The following PLCB4 variants were observed in gnomAD, a reference collection of about 807,000 sequenced individuals.
The protein encoded by PLCB4 is phospholipase C beta 4, also known as 1-phosphatidylinositol 4,5-bisphosphate phosphodiesterase beta-4.
Under a neutral mutation model 178.8 loss-of-function variants are expected in PLCB4, and 77 were observed. That is an observed-to-expected ratio of 0.43 (90% confidence interval 0.36 to 0.52). PLCB4 has a LOEUF of 0.52. PLCB4 is among the 20% of genes least tolerant of loss of function. PLCB4 has a pLI of 0.00. For missense variants in PLCB4, 1,024 were observed against 1,453.4 expected (o/e 0.70, Z 4.80); for synonymous variants, 496 against 490.8 (o/e 1.01, Z -0.14).
intron 3 of PLCB4, among the ~76,000 whole-genome samples, chr20:9,300,030 T>A (rs2094685375): frequency 6.6e-6 from 1 of 152,132 alleles, no homozygotes; most frequent in Admixed American, 6.6e-5. Flanking sequence ...TGATACAATA[T>A]ATTAATGTCA....
intron 4 of PLCB4, among the ~76,000 whole-genome samples, chr20:9,318,071 A>G (rs2094919476): frequency 6.6e-6 from 1 of 151,870 alleles, no homozygotes; most frequent in African/African-American, 2.4e-5. Flanking sequence ...AATCACTTGA[A>G]CCCTGGGACA....
intron 12 of PLCB4, among the ~76,000 whole-genome samples, chr20:9,376,268 G>C (rs1321044278): frequency 6.6e-6 from 1 of 152,144 alleles, no homozygotes; most frequent in African/African-American, 2.4e-5. Context: ...CTGAGTCAGA[G>C]TCTGAATTTA....
At chr20:9,149,153 T>C (rs1385724272) in intron 2 of PLCB4, among the ~76,000 whole-genome samples, 1 of 152,132 alleles carries the variant, frequency 6.6e-6, no homozygotes, top group African/African-American at 2.4e-5. Context: ...TTCTTTGGTA[T>C]CTCTAGGAAC....
intron 3 of PLCB4, among the ~76,000 whole-genome samples, chr20:9,252,534 G>T (rs1227610421): frequency 6.6e-6 from 1 of 152,162 alleles, no homozygotes; most frequent in Non-Finnish European, 1.5e-5. Context: ...TGGGGTACAG[G>T]CATTCATTTT....
At chr20:9,230,966 C>T (rs1601324499) in intron 3 of PLCB4, among the ~76,000 whole-genome samples, 1 of 151,984 alleles carries the variant, frequency 6.6e-6, no homozygotes, top group Non-Finnish European at 1.5e-5. Context: ...AGTCCCATGG[C>T]CTATTATATT....
chr20:9,299,457 T>C (rs1445143033), intron 3 of PLCB4, among the ~76,000 whole-genome samples: 1 of 152,062 alleles, frequency 6.6e-6, no homozygotes. Flanking sequence ...TAAAACAGTG[T>C]ACATATGTAA....
intron 7 of PLCB4, among the ~76,000 whole-genome samples, chr20:9,339,648 T>G (rs1462263537): frequency 6.6e-6 from 1 of 152,184 alleles, no homozygotes; most frequent in Non-Finnish European, 1.5e-5. Context: ...TTGCTCATAC[T>G]AAGTCTTAGA....
At chr20:9,391,064 G>T (rs2038100517) in intron 17 of PLCB4, among the ~76,000 whole-genome samples, 1 of 152,156 alleles carries the variant, frequency 6.6e-6, no homozygotes, top group African/African-American at 2.4e-5. Flanking sequence ...GAACCCATGG[G>T]AGGCTCATGC....
At chr20:9,296,051 A>G (rs2147794254) in intron 3 of PLCB4, among the ~76,000 whole-genome samples, 2 of 152,318 alleles carry the variant, frequency 1.3e-5, no homozygotes, top group Middle Eastern at 6.8e-3. Context: ...AAAAGAAACT[A>G]GCATCAAAGT....
At chr20:9,172,539 A>G (rs892602715) in intron 2 of PLCB4, among the ~76,000 whole-genome samples, 3 of 152,188 alleles carry the variant, frequency 2.0e-5, no homozygotes, top group East Asian at 1.9e-4. Flanking sequence ...ATTATATTTT[A>G]TGTATTAGTC....
intron 21 of PLCB4, among the ~76,000 whole-genome samples, chr20:9,407,195 C>A (rs539910383): frequency 6.6e-6 from 1 of 152,122 alleles, no homozygotes; most frequent in Non-Finnish European, 1.5e-5. Flanking sequence ...AGACTCACTT[C>A]AACAGAAACT....
intron 28 of PLCB4, among the ~76,000 whole-genome samples, chr20:9,424,583 G>A (rs560919578): frequency 9.8e-5 from 15 of 152,310 alleles, no homozygotes; most frequent in African/African-American, 3.4e-4. Flanking sequence ...TAGTACAGCA[G>A]GATGATGGCA....
intron 4 of PLCB4, among the ~76,000 whole-genome samples, chr20:9,334,557 AC>A (rs1833115733): frequency 6.6e-6 from 1 of 152,182 alleles, no homozygotes; most frequent in South Asian, 2.1e-4. Flanking sequence ...GATTTTCACC[AC>A]CAAGTTTGGT....
At chr20:9,361,233 A>G (rs2035296593) in intron 7 of PLCB4, among the ~76,000 whole-genome samples, 1 of 152,260 alleles carries the variant, frequency 6.6e-6, no homozygotes. Flanking sequence ...TTCATAGCAG[A>G]CATGCAATTC....
intron 2 of PLCB4, among the ~76,000 whole-genome samples, chr20:9,103,057 C>T (rs1413916960): frequency 1.4e-5 from 2 of 143,800 alleles, no homozygotes; most frequent in African/African-American, 5.1e-5. Context: ...CGGAGTCTTG[C>T]TTTGTCTCCC....
At chr20:9,247,225 TAA>T (rs2094135050) in intron 3 of PLCB4, among the ~76,000 whole-genome samples, 1 of 152,234 alleles carries the variant, frequency 6.6e-6, no homozygotes, top group Non-Finnish European at 1.5e-5. Context: ...AATGAAATTG[TAA>T]CTTTGTTTTC....
rs186615407 is a variant in PLCB4, at chr20:9,160,029, C to T, written c.-78-57361C>T. Among the ~76,000 whole-genome samples, 110 of 152,288 alleles carry T rather than the reference C, an allele frequency of 7.2e-4. 3 individuals are homozygous for T. The East Asian group carries it at 0.019, about 26-fold the overall frequency. On this transcript the variant is annotated intron_variant, in intron 2 of 39. Coordinates refer to ENST00000378473, the MANE Select transcript of PLCB4 (RefSeq NM_001377142.1). ...GGAAGACAAGCTGAACGTCCCTCCA[C>T]ACTAAAGCTGCCACAGGACCTGTGT...
intron 1 of PLCB4, among the ~76,000 whole-genome samples, chr20:9,085,038 G>A (rs1398219954): frequency 5.8e-5 from 8 of 138,078 alleles, no homozygotes; most frequent in African/African-American, 2.2e-4. Context: ...GGGTGACAGA[G>A]CAAGACTCCA....
At chr20:9,115,445 T>C in intron 2 of PLCB4, among the ~76,000 whole-genome samples, 1 of 151,872 alleles carries the variant, frequency 6.6e-6, no homozygotes, top group East Asian at 1.9e-4. Flanking sequence ...TTTTTTTTAA[T>C]ACTTTAAGTT....
Sources: allele counts gnomAD v4.1 joint callset (sites outside exome capture counted in the v4.1 genomes callset), GRCh38; gene constraint gnomAD v4.1.1; transcripts MANE v1.5; gene names NCBI Gene and HGNC (gene_info 2026-07-23, HGNC 2026-07-21).